NALF1: variants seen among roughly 807,000 people sequenced by gnomAD.
NALF1 encodes family with sequence similarity 155 member A.
NALF1 carries 3 observed loss-of-function variants against 48.4 expected under a neutral mutation model. The observed-to-expected ratio is 0.06, with a 90% CI of 0.03 to 0.16. NALF1 has a LOEUF of 0.16. NALF1 is among the 10% of genes least tolerant of loss of function. NALF1 has a pLI of 1.00. For missense variants in NALF1, 526 were observed against 571.5 expected (o/e 0.92, Z 0.81); for synonymous variants, 262 against 245.7 (o/e 1.07, Z -0.62).
chr13:107,195,428 A>G (rs1019848474), intron 2 of NALF1, among the ~76,000 whole-genome samples: 1 of 152,196 alleles, frequency 6.6e-6, no homozygotes, highest in African/African-American at 2.4e-5. Flanking sequence ...CATGGATTTC[A>G]TTCTTCCTTT....
At chr13:107,537,926 G>A (rs894829959) in intron 1 of NALF1, among the ~76,000 whole-genome samples, 7 of 152,044 alleles carry the variant, frequency 4.6e-5, no homozygotes, top group Admixed American at 6.6e-5. Flanking sequence ...ACTGAGGCAG[G>A]AGAACTGCTT....
chr13:107,635,412 T>C (rs532265823), intron 1 of NALF1, among the ~76,000 whole-genome samples: 62 of 136,142 alleles, frequency 4.6e-4, no homozygotes, highest in African/African-American at 1.6e-3. Context: ...GAAAACTCAC[T>C]ATCATGAGAA....
intron 1 of NALF1, among the ~76,000 whole-genome samples, chr13:107,279,043 C>CTTTTTTTTTTTTTTTTTTT (rs200133690): frequency 2.4e-5 from 3 of 122,938 alleles, no homozygotes; most frequent in African/African-American, 6.1e-5. Flanking sequence ...TTCTTTTCTT[C>CTTTTTTTTTTTTTTTTTTT]TTTTTTTTTT....
At chr13:107,433,378 T>G (rs1414599576) in intron 1 of NALF1, among the ~76,000 whole-genome samples, 2 of 152,186 alleles carry the variant, frequency 1.3e-5, no homozygotes, top group African/African-American at 2.4e-5. Context: ...TTAAGCTGCA[T>G]CTTCTTAACT....
At chr13:107,557,315 T>C (rs1036209627) in intron 1 of NALF1, among the ~76,000 whole-genome samples, 1 of 152,184 alleles carries the variant, frequency 6.6e-6, no homozygotes, top group Non-Finnish European at 1.5e-5. Flanking sequence ...GTGACTCTTG[T>C]AGAAGCAATC....
At chr13:107,379,695 G>T (rs1400006175) in intron 1 of NALF1, among the ~76,000 whole-genome samples, 1 of 152,128 alleles carries the variant, frequency 6.6e-6, no homozygotes, top group Non-Finnish European at 1.5e-5. Context: ...TTTCTCCTCT[G>T]CTTCACTTCT....
At chr13:107,503,488 TAC>T (rs1221742006) in intron 1 of NALF1, among the ~76,000 whole-genome samples, 1 of 152,136 alleles carries the variant, frequency 6.6e-6, no homozygotes, top group African/African-American at 2.4e-5. Flanking sequence ...GGAACCTTAA[TAC>T]ACTGTTGGTG....
At chr13:107,415,935 G>A (rs540223270) in intron 1 of NALF1, among the ~76,000 whole-genome samples, 4 of 152,124 alleles carry the variant, frequency 2.6e-5, no homozygotes, top group South Asian at 2.1e-4. Context: ...TCTACTTCCC[G>A]GTGTTTTCTA....
At chr13:107,741,645 T>A (rs1235452143) in intron 1 of NALF1, among the ~76,000 whole-genome samples, 1 of 152,186 alleles carries the variant, frequency 6.6e-6, no homozygotes, top group Non-Finnish European at 1.5e-5. Flanking sequence ...TGGTATACTG[T>A]CTAGTTGGAA....
At chr13:107,459,887 G>C (rs540680824) in intron 1 of NALF1, among the ~76,000 whole-genome samples, 3 of 152,156 alleles carry the variant, frequency 2.0e-5, no homozygotes, top group Admixed American at 1.3e-4. Flanking sequence ...GACCACCTGC[G>C]TGTGCCACCA....
chr13:107,803,821 G>A (rs970561019), intron 1 of NALF1, among the ~76,000 whole-genome samples: 2 of 152,076 alleles, frequency 1.3e-5, no homozygotes, highest in Non-Finnish European at 1.5e-5. Flanking sequence ...ATAACACGAT[G>A]GTTTCAGAGG....
chr13:107,695,819 C>T (rs1881687316), intron 1 of NALF1, among the ~76,000 whole-genome samples: 1 of 152,054 alleles, frequency 6.6e-6, no homozygotes, highest in South Asian at 2.1e-4. Context: ...CAGCACACTG[C>T]CTGGTTCAAT....
At chr13:107,408,710 C>T (rs1218499127) in intron 1 of NALF1, among the ~76,000 whole-genome samples, 3 of 152,066 alleles carry the variant, frequency 2.0e-5, no homozygotes, top group Non-Finnish European at 2.9e-5. Flanking sequence ...ATCCATGATC[C>T]TTCTATGTGC....
At chr13:107,359,231 C>A (rs901089844) in intron 1 of NALF1, among the ~76,000 whole-genome samples, 2 of 152,058 alleles carry the variant, frequency 1.3e-5, no homozygotes, top group African/African-American at 4.8e-5. Context: ...AACACTCAAA[C>A]CTACAGTGAA....
At position 107,867,106 on chromosome 13, in the gene NALF1, G is replaced by A. The variant is rs1034086560; in HGVS notation, c.-510C>T. Among the ~76,000 whole-genome samples, 1 of 151,612 alleles carries A rather than the reference G, an allele frequency of 6.6e-6. No individual in the cohort carries two copies. Among genetic ancestry groups the A allele is most frequent in the South Asian group, 2.1e-4 (1 of 4,818 alleles). On this transcript the variant is annotated 5_prime_UTR_variant, in exon 1 of 3. Transcript: ENST00000375915. The surrounding 1 kb of genome is among the most constrained non-coding windows in gnomAD (Gnocchi z 4.4). ...TGCCGCGCCTCCGCTGCCCACTGAC[G>A]GCGCCCGGAGCGCCTCCCCTCCTCC...
chr13:107,277,183 CAG>C (rs1355269787), intron 1 of NALF1, among the ~76,000 whole-genome samples: 1 of 152,098 alleles, frequency 6.6e-6, no homozygotes, highest in East Asian at 1.9e-4. Flanking sequence ...TTAAAAATTA[CAG>C]AGTCACTTTT....
At chr13:107,443,208 CTATCTATCT>C (rs1170845468) in intron 1 of NALF1, among the ~76,000 whole-genome samples, 1 of 149,310 alleles carries the variant, frequency 6.7e-6, no homozygotes, top group African/African-American at 2.6e-5. Context: ...ATCTATCTAT[CTATCTATCT>C]ATCGATATGT....
intron 1 of NALF1, among the ~76,000 whole-genome samples, chr13:107,779,882 C>T (rs764644047): frequency 2.8e-4 from 42 of 152,280 alleles, no homozygotes; most frequent in Admixed American, 4.6e-4. Context: ...GAACCCTGAA[C>T]TTGGACAGTC....
At chr13:107,784,290 C>T (rs998450758) in intron 1 of NALF1, among the ~76,000 whole-genome samples, 1 of 152,106 alleles carries the variant, frequency 6.6e-6, no homozygotes, top group East Asian at 1.9e-4. Context: ...GCATGGAAAC[C>T]GCATGCTGCA....
Sources: gnomAD v4.1 joint callset for allele counts (sites outside exome capture counted in the v4.1 genomes callset) on GRCh38, gnomAD v4.1.1 for gene constraint, Gnocchi (gnomAD v3.1) non-coding constraint, MANE v1.5 for transcripts, NCBI Gene and HGNC (gene_info 2026-07-23, HGNC 2026-07-21) for gene names.